Variants in CCDC40 observed in about 807,000 individuals in gnomAD.
CCDC40 encodes the protein coiled-coil domain-containing protein 40.
CCDC40 carries 104 observed loss-of-function variants against 124.5 expected under a neutral mutation model. The ratio of observed to expected loss-of-function variants is 0.84; its 90% CI spans 0.71 to 0.98. The LOEUF (loss-of-function observed/expected upper bound fraction) is 0.98, where lower values mean the gene tolerates loss of function less well. Among genes scored for constraint, CCDC40 ranks in the 50% least tolerant of loss-of-function variants. CCDC40 has a pLI of 0.00. For missense variants in CCDC40, 1,463 were observed against 1,503.9 expected, an observed-to-expected ratio of 0.97 and a Z score of 0.45; for synonymous variants, 580 against 602.9, an observed-to-expected ratio of 0.96 and a Z score of 0.56.
At chr17:80,046,425 C>A (rs566731043) in intron 3 of CCDC40, among the ~76,000 whole-genome samples, 10 of 152,068 alleles carry the variant, frequency 6.6e-5, no homozygotes, top group African/African-American at 2.4e-4. Flanking sequence ...CCCAGCTACT[C>A]TGGAGGCTAA....
chr17:80,068,447 A>G (rs992654764), intron 10 of CCDC40, among the ~76,000 whole-genome samples: 4 of 152,242 alleles, frequency 2.6e-5, no homozygotes, highest in African/African-American at 9.6e-5. Flanking sequence ...GACAGGTTTA[A>G]TAGATCAGGG....
chr17:80,096,850 GCCTCGCTCCTCCCTCAGCAGAGGCCCCCA>G (rs1301459824), intron 18 of CCDC40, among the ~76,000 whole-genome samples: 1 of 152,174 alleles, frequency 6.6e-6, no homozygotes, highest in African/African-American at 2.4e-5. Context: ...GATGGCCCCA[GCCTCGCTCCTCCCTCAGCAGAGGCCCCCA>G]CCCTCCTCTC....
At chr17:80,057,394 G>C (rs919609961) in intron 7 of CCDC40, among the ~76,000 whole-genome samples, 2 of 152,104 alleles carry the variant, frequency 1.3e-5, no homozygotes, top group African/African-American at 2.4e-5. Context: ...AGCCAAAATG[G>C]CTTTGCAAGT....
chr17:80,088,301 G>C (rs1033003168), intron 16 of CCDC40, 199 bp downstream of exon 16: 1 of 622,822 alleles, frequency 1.6e-6, no homozygotes, highest in Admixed American at 2.3e-5. Context: ...CCACAGGCTG[G>C]AGTGCAGCCG....
chr17:80,057,038 CAA>C (rs34229653), intron 7 of CCDC40, among the ~76,000 whole-genome samples: 13 of 110,002 alleles, frequency 1.2e-4, no homozygotes, highest in Admixed American at 2.0e-4. Context: ...GACTCTGTCT[CAA>C]AAAAAAAAAA....
intron 17 of CCDC40, 128 bp from the exon 18 acceptor site, chr17:80,095,135 C>T (rs948259216): frequency 3.5e-6 from 3 of 848,172 alleles, no homozygotes; most frequent in Non-Finnish European, 3.9e-6. Flanking sequence ...GCGGCACAGG[C>T]CTCACTGTTT....
At chr17:80,061,097 G>A (rs1162999345) in intron 9 of CCDC40, among the ~76,000 whole-genome samples, 3 of 152,228 alleles carry the variant, frequency 2.0e-5, no homozygotes, top group Non-Finnish European at 4.4e-5. Flanking sequence ...TGTAATCCCA[G>A]CACTTTGGGA....
rs934250158 is a variant in CCDC40 at position 80,066,308 on chromosome 17, C to T, written c.1562+702C>T. 5 of 593,416 alleles carry T rather than the reference C, an allele frequency of 8.4e-6. No homozygotes were observed. Among genetic ancestry groups the T allele is most frequent in the African/African-American group, 3.8e-5 (2 of 53,286 alleles). The allele number at this position is 593,416 out of a possible 1,614,324, so 36.8% of individuals were successfully genotyped here. A position where few individuals can be genotyped will look rare whatever the true frequency, so the allele number is the denominator to read the frequency against. ...GACCAAGGAATGAGGGTCTGGCTGG[C>T]CCCACAGCACCCGCAGCCAGGCAGC... On this transcript the variant is annotated intron_variant, in intron 10 of 19. Coordinates refer to ENST00000397545, the MANE Select transcript of CCDC40 (RefSeq NM_017950.4). The surrounding 1 kb of genome is among the most constrained non-coding windows in gnomAD (Gnocchi z 4.4).
chr17:80,096,168 C>T (rs1363825625), intron 18 of CCDC40, among the ~76,000 whole-genome samples: 2 of 152,304 alleles, frequency 1.3e-5, no homozygotes, highest in East Asian at 3.9e-4. Flanking sequence ...GTGACAGCAA[C>T]CACAGCCGTG....
chr17:80,044,667 A>G (rs2037366770), intron 3 of CCDC40, among the ~76,000 whole-genome samples: 1 of 147,248 alleles, frequency 6.8e-6, no homozygotes. Flanking sequence ...TGGGAGACAG[A>G]GCGAGACCCC....
At position 80,066,085 on chromosome 17, in the gene CCDC40, C is replaced by T. The variant is rs1405495957; in HGVS notation, c.1562+479C>T. 8.5e-6 allele frequency: 6 copies of T among 702,786 alleles called. No homozygotes were observed. Among genetic ancestry groups the T allele is most frequent in the African/African-American group, 1.7e-5 (1 of 57,208 alleles). 43.5% of individuals were successfully genotyped at this position (702,786 alleles called of 1,614,324 possible). ...GATGGATGCGTGGCTCAGGGCAGGG[C>T]GTTGGAGACACAGGTGCTGCCTTCA... On this transcript the variant is annotated intron_variant, in intron 10 of 19. Coordinates refer to ENST00000397545, the MANE Select transcript of CCDC40 (RefSeq NM_017950.4). This position sits in a 1 kb window ranked among gnomAD's most constrained non-coding sequence, Gnocchi z 4.4.
In CCDC40 at chr17:80,095,201, ACT is replaced by A. The variant is rs1437423577; in HGVS notation, c.2833-55_2833-54del. 7.8e-6 allele frequency: 12 copies of A among 1,530,866 alleles called. No homozygotes were observed. In the South Asian group the frequency reaches 9.0e-5, roughly 11 times the overall value. The allele number at this position is 1,530,866 out of a possible 1,614,324, so 94.8% of individuals were successfully genotyped here. A position where few individuals can be genotyped will look rare whatever the true frequency, so the allele number is the denominator to read the frequency against. ...GATGAGCGAGGCCAGCGCCCCGGCC[ACT>A]CTCTCTGCAGCTGCAGCTCAGGCCT... On this transcript the variant is annotated intron_variant, in intron 17 of 19. Transcript: ENST00000397545.
At chr17:80,057,693 G>A (rs2037785660) in intron 7 of CCDC40, among the ~76,000 whole-genome samples, 2 of 152,024 alleles carry the variant, frequency 1.3e-5, no homozygotes, top group South Asian at 2.1e-4. Context: ...TGGCTAACAT[G>A]GTGAAACCCC....
chr17:80,086,175 A>G lies in CCDC40; in HGVS notation c.2408A>G (p.Lys803Arg). The change falls in exon 14 of 20, where the codon AAG becomes AGG. Residue 803 changes from lysine to arginine, a missense_variant. Physicochemically the swap from Lys to Arg is conservative, Grantham distance 26 (BLOSUM62 2). Coordinates refer to ENST00000397545, the MANE Select transcript of CCDC40 (RefSeq NM_017950.4). This position sits in a 1 kb window ranked among gnomAD's most constrained non-coding sequence, Gnocchi z 5.5. ...EQLASLDASK[K>R]ELHIMEQKKL... ...CTGGCCTCCCTGGACGCATCCAAGAAGGAGCTCCACATCATGGAGCAGAAG... is the reference window on the plus strand; with the variant it reads ...CTGGCCTCCCTGGACGCATCCAAGAGGGAGCTCCACATCATGGAGCAGAAG... 1 of 1,613,558 alleles carries G rather than the reference A, an allele frequency of 6.2e-7. No homozygotes were observed. Among genetic ancestry groups the G allele is most frequent in the Non-Finnish European group, 8.5e-7 (1 of 1,179,804 alleles).
At position 80,095,183 on chromosome 17, in the gene CCDC40, G is replaced by A. The variant is rs996827091; in HGVS notation, c.2833-80G>A. On this transcript the variant is annotated intron_variant, in intron 17 of 19. Transcript: ENST00000397545. ...CCATGCGTGTCACCGGAGGATGAGC[G>A]AGGCCAGCGCCCCGGCCACTCTCTC... The A allele has an allele frequency of 1.7e-5, 23 of 1,364,828 alleles. No homozygotes were observed. In the East Asian group the frequency reaches 2.1e-4, roughly 12 times the overall value. The allele number at this position is 1,364,828 out of a possible 1,614,324, so 84.5% of individuals were successfully genotyped here.
At chr17:80,057,051 AAG>A (rs1491032627) in intron 7 of CCDC40, among the ~76,000 whole-genome samples, 2 of 150,924 alleles carry the variant, frequency 1.3e-5, no homozygotes, top group Non-Finnish European at 3.0e-5. Context: ...AAAAAAAAAA[AAG>A]AAGAATAGCA....
intron 10 of CCDC40, among the ~76,000 whole-genome samples, chr17:80,073,773 G>A (rs2038248228): frequency 6.6e-6 from 1 of 152,082 alleles, no homozygotes; most frequent in Non-Finnish European, 1.5e-5. Context: ...TTGGCTCATT[G>A]CAACCTCTAC....
chr17:80,058,728 G>A lies in CCDC40; in HGVS notation c.1317+77G>A. The A allele has an allele frequency of 6.2e-7, 1 of 1,603,048 alleles. No individual in the cohort carries two copies. Among genetic ancestry groups the A allele is most frequent in the Non-Finnish European group, 8.5e-7 (1 of 1,170,252 alleles). ...AAAAAGGGGCTCAGCTTTGCCTCCT[G>A]CGTGAAGGCTTCCGGCCGGAGGGGT... is the stretch of plus-strand genomic sequence containing the variant. On this transcript the variant is annotated intron_variant, in intron 8 of 19. Coordinates refer to ENST00000397545, the MANE Select transcript of CCDC40 (RefSeq NM_017950.4). This position sits in a 1 kb window ranked among gnomAD's most constrained non-coding sequence, Gnocchi z 4.2.
intron 1 of CCDC40, among the ~76,000 whole-genome samples, chr17:80,037,490 T>G (rs1244039840): frequency 2.0e-5 from 3 of 151,844 alleles, no homozygotes; most frequent in Non-Finnish European, 4.4e-5. Context: ...AGGGTAGGTA[T>G]ACTATGATCT....
Sources: allele counts gnomAD v4.1 joint callset (sites outside exome capture counted in the v4.1 genomes callset), GRCh38; gene constraint gnomAD v4.1.1; non-coding constraint Gnocchi (gnomAD v3.1); transcripts MANE v1.5; gene names NCBI Gene and HGNC (gene_info 2026-07-23, HGNC 2026-07-21).